The following KMT2C variants were observed in gnomAD, a reference collection of about 807,000 sequenced individuals.
KMT2C encodes lysine methyltransferase 2C.
Under a neutral mutation model 507.9 loss-of-function variants are expected in KMT2C, and 88 were observed. That is an observed-to-expected ratio of 0.17 (90% CI 0.15 to 0.21). The LOEUF (loss-of-function observed/expected upper bound fraction) is 0.21. Ranked by LOEUF, KMT2C falls within the 10% of genes least tolerant of loss-of-function variation. KMT2C has a pLI of 1.00. For missense variants in KMT2C, 4,954 were observed against 5,957.8 expected, an observed-to-expected ratio of 0.83 and a Z score of 5.55; for synonymous variants, 2,049 against 2,080.8, an observed-to-expected ratio of 0.98 and a Z score of 0.42.
intron 1 of KMT2C, among the ~76,000 whole-genome samples, chr7:152,431,380 T>C (rs11764314): frequency 0.35 from 53,757 of 151,808 alleles, 9,650 homozygotes; most frequent in Middle Eastern, 0.39. Context: ...AGGCAGATCA[T>C]GAGGTCAAGA....
intron 16 of KMT2C, among the ~76,000 whole-genome samples, chr7:152,233,517 A>G (rs1167285834): frequency 6.6e-6 from 1 of 152,196 alleles, no homozygotes; most frequent in East Asian, 1.9e-4. Flanking sequence ...ATGATAATAA[A>G]AATCAATAAA....
chr7:152,215,086 A>C (rs1313859797), intron 23 of KMT2C, among the ~76,000 whole-genome samples: 3 of 151,878 alleles, frequency 2.0e-5, no homozygotes, highest in Non-Finnish European at 4.4e-5. Context: ...GAAAAAAAAA[A>C]CTGTATCCTA....
intron 3 of KMT2C, among the ~76,000 whole-genome samples, chr7:152,329,912 G>A (rs764167581): frequency 2.6e-5 from 4 of 151,906 alleles, no homozygotes; most frequent in South Asian, 2.1e-4. Flanking sequence ...TTGGGAAGCC[G>A]AGGCAGGTGG....
intron 1 of KMT2C, among the ~76,000 whole-genome samples, chr7:152,390,615 C>A (rs1050092166): frequency 4.6e-5 from 7 of 152,120 alleles, no homozygotes; most frequent in Non-Finnish European, 7.4e-5. Context: ...ATTAGTATGT[C>A]CCCTATTTTT....
intron 51 of KMT2C, among the ~76,000 whole-genome samples, chr7:152,150,076 C>A (rs2091479387): frequency 6.6e-6 from 1 of 152,132 alleles, no homozygotes; most frequent in African/African-American, 2.4e-5. Context: ...AGAGCAATAA[C>A]CTGGATGGAG....
rs190817106 is a variant in KMT2C, at chr7:152,140,233, A to T, written c.14344-442T>A. Among the ~76,000 whole-genome samples, 159 of 152,364 alleles carry T rather than the reference A, an allele frequency of 1.0e-3. 1 individual carries two copies. Among genetic ancestry groups the T allele is most frequent in the African/African-American group, 3.5e-3 (147 of 41,586 alleles). On this transcript the variant is annotated intron_variant, in intron 55 of 58. Transcript: ENST00000262189. ...ATAACCAATCACTGATACTGTAAAC[A>T]GGGTTCAGACTTGGCTCTGAGTTTC...
intron 18 of KMT2C, among the ~76,000 whole-genome samples, chr7:152,229,345 A>C (rs2095036007): frequency 6.6e-6 from 1 of 152,170 alleles, no homozygotes; most frequent in African/African-American, 2.4e-5. Context: ...ACAACTAGTG[A>C]AGTATTGAGA....
intron 11 of KMT2C, among the ~76,000 whole-genome samples, chr7:152,251,698 G>A (rs2095564791): frequency 6.6e-6 from 1 of 152,014 alleles, no homozygotes; most frequent in South Asian, 2.1e-4. Context: ...ACAAGTGAAG[G>A]AAAGCACACT....
chr7:152,228,481 T>C (rs1289706630), intron 18 of KMT2C, among the ~76,000 whole-genome samples: 1 of 152,242 alleles, frequency 6.6e-6, no homozygotes, highest in Non-Finnish European at 1.5e-5. Flanking sequence ...CAGTATTCTA[T>C]ACTGTCCAAA....
intron 46 of KMT2C, 69 bp from the exon 47 acceptor site, chr7:152,154,514 G>T: frequency 7.4e-7 from 1 of 1,345,374 alleles, no homozygotes; most frequent in Non-Finnish European, 1.0e-6. Flanking sequence ...TACCAACCCT[G>T]CTGACATCTG....
intron 2 of KMT2C, among the ~76,000 whole-genome samples, chr7:152,336,304 C>A (rs1288863708): frequency 1.3e-5 from 2 of 152,166 alleles, no homozygotes; most frequent in Non-Finnish European, 1.5e-5. Context: ...TATGTTAGAT[C>A]TTAGTATCTG....
At chr7:152,207,939 C>T (rs1344748738) in intron 23 of KMT2C, among the ~76,000 whole-genome samples, 1 of 152,152 alleles carries the variant, frequency 6.6e-6, no homozygotes, top group Admixed American at 6.5e-5. Flanking sequence ...CATTCCTAAT[C>T]TCTTTCCTCC....
chr7:152,410,460 C>G (rs1245821114), intron 1 of KMT2C, among the ~76,000 whole-genome samples: 2 of 151,810 alleles, frequency 1.3e-5, no homozygotes, highest in African/African-American at 4.8e-5. Flanking sequence ...CCCCTGTAAT[C>G]CCAGCTACTC....
At chr7:152,387,340 GA>G (rs374448683) in intron 1 of KMT2C, among the ~76,000 whole-genome samples, 1 of 149,848 alleles carries the variant, frequency 6.7e-6, no homozygotes, top group African/African-American at 2.5e-5. Flanking sequence ...AGAATATAAT[GA>G]AAAAACTTCA....
intron 1 of KMT2C, among the ~76,000 whole-genome samples, chr7:152,395,226 A>G (rs1037685331): frequency 6.6e-6 from 1 of 152,090 alleles, no homozygotes; most frequent in African/African-American, 2.4e-5. Flanking sequence ...GCTCTGTTGC[A>G]CCGGCTGGAG....
chr7:152,178,307 G>T (rs757340509), intron 37 of KMT2C, among the ~76,000 whole-genome samples: 2 of 152,098 alleles, frequency 1.3e-5, no homozygotes, highest in African/African-American at 2.4e-5. Context: ...GAAATCAATT[G>T]TTCAGAGATA....
At chr7:152,353,886 G>A (rs1216413439) in intron 2 of KMT2C, among the ~76,000 whole-genome samples, 2 of 152,124 alleles carry the variant, frequency 1.3e-5, no homozygotes, top group Non-Finnish European at 2.9e-5. Context: ...ATAAACCCTG[G>A]GGTCTTGAGA....
At position 152,408,086 on chromosome 7, in the gene KMT2C, G is replaced by A. The variant is rs1295536003; in HGVS notation, c.161+27540C>T. On this transcript the variant is annotated intron_variant, in intron 1 of 58. Transcript: ENST00000262189. ...GGGCAGATCACAAGGTCAGGAGTTC[G>A]AGACCAGCCTGGCCAATATGGCGAA... Among the ~76,000 whole-genome samples, 11 of 152,214 alleles carry A rather than the reference G, an allele frequency of 7.2e-5. No individual in the cohort carries two copies. The East Asian group carries it at 1.4e-3, about 19-fold the overall frequency.
At chr7:152,300,538 C>T (rs2096556861) in intron 6 of KMT2C, among the ~76,000 whole-genome samples, 1 of 152,148 alleles carries the variant, frequency 6.6e-6, no homozygotes, top group South Asian at 2.1e-4. Context: ...AGGCACAGCA[C>T]ATAAGGAAGC....
Sources: allele counts gnomAD v4.1 joint callset (sites outside exome capture counted in the v4.1 genomes callset), GRCh38; gene constraint gnomAD v4.1.1; transcripts MANE v1.5; gene names NCBI Gene and HGNC (gene_info 2026-07-23, HGNC 2026-07-21).